UTP20: variants seen among roughly 807,000 people sequenced by gnomAD.
The protein encoded by UTP20 is UTP20 small subunit processome component, also known as small subunit processome component 20 homolog.
Under a neutral mutation model 329.5 loss-of-function variants are expected in UTP20, and 164 were observed. The ratio of observed to expected loss-of-function variants is 0.50; its 90% confidence interval spans 0.44 to 0.57. The LOEUF (loss-of-function observed/expected upper bound fraction) is 0.57. Ranked by LOEUF, UTP20 falls within the 20% of genes least tolerant of loss-of-function variation. The pLI, the probability that UTP20 is intolerant of heterozygous loss-of-function variation, is 0.00. For missense variants in UTP20, 3,055 were observed against 3,284.2 expected (o/e 0.93, Z 1.71); for synonymous variants, 1,151 against 1,159.3 (o/e 0.99, Z 0.14).
Position 101,352,114 on chromosome 12 carries a change from T to C in UTP20, c.4944T>C (p.Ser1648=). ...TTGGAGCCATTTGCAAACATCTCTC[T>C]TGGTCAGCGTATATGTATTACTTGA... is the stretch of plus-strand genomic sequence containing the variant. The part of the protein sequence containing the change: ...EIIGAICKHL[S]WSAYMYYLKH... Residue 1648 remains serine (S), a synonymous_variant, in exon 39 of 62, where the codon TCT becomes TCC. Coordinates refer to ENST00000261637, the MANE Select transcript of UTP20 (RefSeq NM_014503.3). 2 of 1,614,096 alleles carry C rather than the reference T, an allele frequency of 1.2e-6. No individual in the cohort carries two copies. The highest frequency in any genetic ancestry group is 1.7e-6 in the Non-Finnish European group (2 of 1,180,008).
At position 101,302,429 on chromosome 12, in the gene UTP20, C is replaced by T. The variant is rs1394546056; in HGVS notation, c.1676-19C>T. On this transcript the variant is annotated intron_variant, in intron 14 of 61. Transcript: ENST00000261637. ...CAAAGAAATAAGTAATGTGGTTTCTCCTGTTTTTCTGCCCTTAGGAAACTT... is the reference window on the plus strand; with the variant it reads ...CAAAGAAATAAGTAATGTGGTTTCTTCTGTTTTTCTGCCCTTAGGAAACTT... 3 of 1,440,046 alleles carry T rather than the reference C, an allele frequency of 2.1e-6. No homozygotes were observed. The highest frequency in any genetic ancestry group is 9.7e-7 in the Non-Finnish European group (1 of 1,031,208). The allele number at this position is 1,440,046 out of a possible 1,614,324, so 89.2% of individuals were successfully genotyped here.
In UTP20 at chr12:101,373,071, CTG is replaced by C. The variant is rs1383535531; in HGVS notation, c.6878+109_6878+110del. 5.6e-6 allele frequency: 5 copies of C among 899,038 alleles called. No individual in the cohort carries two copies. The East Asian group carries it at 1.3e-4, about 22-fold the overall frequency. 55.7% of individuals were successfully genotyped at this position (899,038 alleles called of 1,614,324 possible). ...GGGCCTAAGTATAATGGTACATTCT[CTG>C]AGCATACTGTTATATGACTCATTGA... On this transcript the variant is annotated intron_variant, in intron 52 of 61. Coordinates refer to ENST00000261637, the MANE Select transcript of UTP20 (RefSeq NM_014503.3).
At position 101,383,190 on chromosome 12, in the gene UTP20, C is replaced by G. The variant is rs369203212; in HGVS notation, c.7806C>G (p.Asp2602Glu). 4 of 1,613,842 alleles carry G rather than the reference C, an allele frequency of 2.5e-6. No individual in the cohort carries two copies. Among genetic ancestry groups the G allele is most frequent in the Non-Finnish European group, 3.4e-6 (4 of 1,179,980 alleles). ...VACADEKAES[D>E]GEEKEEVKEE... ...GTGCAGATGAGAAGGCGGAGTCTGA[C>G]GGAGAAGAGAAGGAAGAGGTGAAGG... The change falls in exon 59 of 62, where the codon GAC becomes GAG. Residue 2602 changes from aspartate (D) to glutamate (E), a missense_variant. Asp to Glu is a conservative substitution (Grantham distance 45). This residue lies in a region of UTP20 where 337 missense variants were observed against 345.5 expected (regional missense o/e 0.98). Transcript: ENST00000261637.
intron 31 of UTP20, among the ~76,000 whole-genome samples, chr12:101,339,419 C>T (rs567901270): frequency 6.6e-6 from 1 of 152,260 alleles, no homozygotes; most frequent in East Asian, 1.9e-4. Flanking sequence ...TTTTTGAATG[C>T]CCTTTACTTT....
chr12:101,370,923 G>GTGTCTA (rs1870264076), intron 50 of UTP20, 135 bp from the exon 51 acceptor site: 1 of 713,764 alleles, frequency 1.4e-6, no homozygotes, highest in South Asian at 1.9e-5. Flanking sequence ...TTGTGCTTAA[G>GTGTCTA]TGTCTATCCT....
chr12:101,361,926 T>C lies in UTP20; in HGVS notation c.5692-36T>C. ...CTTATGTTTTCCTAGTGTGACATTG[T>C]TAATATTCATGTTGTTGCTGTGTGT... On this transcript the variant is annotated intron_variant, in intron 43 of 61. Coordinates refer to ENST00000261637, the MANE Select transcript of UTP20 (RefSeq NM_014503.3). 3 of 1,505,606 alleles carry C rather than the reference T, an allele frequency of 2.0e-6. No homozygotes were observed. The South Asian group carries it at 3.4e-5, about 17-fold the overall frequency. The allele number at this position is 1,505,606 out of a possible 1,614,324, so 93.3% of individuals were successfully genotyped here.
Position 101,370,545 on chromosome 12 carries a change from T to C in UTP20, c.6669T>C (p.Thr2223=). 6.2e-7 allele frequency: 1 copy of C among 1,613,488 alleles called. No individual in the cohort carries two copies. Among genetic ancestry groups the C allele is most frequent in the Non-Finnish European group, 8.5e-7 (1 of 1,179,764 alleles). ...TTTATGATACTTCAAGACAAGCCAC[T>C]GCCTTTGGTCTTCTGAAGGTATGCT... ...EDIYDTSRQA[T]AFGLLKAILS... is the part of the protein sequence containing the mutation. Residue 2223 remains threonine (T), a synonymous_variant, in exon 50 of 62, where the codon ACT becomes ACC. Coordinates refer to ENST00000261637, the MANE Select transcript of UTP20 (RefSeq NM_014503.3).
At chr12:101,370,002 C>T in intron 49 of UTP20, 111 bp downstream of exon 49, 5 of 1,090,508 alleles carry the variant, frequency 4.6e-6, no homozygotes, top group Non-Finnish European at 6.5e-6. Flanking sequence ...TTACTTGAGC[C>T]TAAGAGTTCA....
intron 26 of UTP20, 149 bp from the exon 27 acceptor site, chr12:101,329,092 A>G: frequency 1.4e-6 from 1 of 700,744 alleles, no homozygotes; most frequent in Non-Finnish European, 2.3e-6. Flanking sequence ...AGGAGATAAT[A>G]CATAAGAAAA....
Position 101,328,291 on chromosome 12 carries a change from C to G in UTP20, c.3209-950C>G, listed in dbSNP as rs1230264945. ...GTATAGATGATACTCTTATGGATGG[C>G]CCGTTTGGGTGTATGAATCCATAAG... On this transcript the variant is annotated intron_variant, in intron 26 of 61. Transcript: ENST00000261637. Among the ~76,000 whole-genome samples the G allele has an allele frequency of 2.6e-5, 4 of 152,122 alleles. No homozygotes were observed. In the South Asian group the frequency reaches 8.3e-4, roughly 32 times the overall value.
intron 51 of UTP20, among the ~76,000 whole-genome samples, chr12:101,371,770 G>T (rs1870301222): frequency 6.6e-6 from 1 of 152,096 alleles, no homozygotes; most frequent in Non-Finnish European, 1.5e-5. Context: ...TTGACCTTGT[G>T]ATCCACCCAC....
chr12:101,339,906 A>G (rs963329668), intron 31 of UTP20, among the ~76,000 whole-genome samples: 6 of 152,260 alleles, frequency 3.9e-5, no homozygotes, highest in Non-Finnish European at 7.3e-5. Context: ...GCATTTTAAA[A>G]TACTATTGTA....
intron 46 of UTP20, 107 bp from the exon 47 acceptor site, chr12:101,366,451 C>A: frequency 7.2e-7 from 1 of 1,393,608 alleles, no homozygotes; most frequent in Non-Finnish European, 9.7e-7. Flanking sequence ...AAGCAAATGG[C>A]ACATTATTTA....
Position 101,369,748 on chromosome 12 carries a change from A to T in UTP20, c.6412A>T (p.Ile2138Phe). ...GATCACAGGTGCTTTACAGTGCCTC[A>T]TCTGGGTCTTGAGGTTCCCGCTACC... ...KVITGALQCL[I>F]WVLRFPLPSI... The change falls in exon 49 of 62, where the codon ATC (isoleucine) becomes TTC (phenylalanine). Residue 2138 changes from isoleucine (I) to phenylalanine (F), a missense_variant. Physicochemically the swap from Ile to Phe is conservative, Grantham distance 21. Transcript: ENST00000261637. 1 of 1,596,574 alleles carries T rather than the reference A, an allele frequency of 6.3e-7. No homozygotes were observed. Among genetic ancestry groups the T allele is most frequent in the Non-Finnish European group, 8.6e-7 (1 of 1,164,176 alleles).
chr12:101,286,504 A>G lies in UTP20; in HGVS notation c.510A>G (p.Ile170Met). The change falls in exon 5 of 62, where the codon ATA becomes ATG. Residue 170 changes from isoleucine (I) to methionine (M), a missense_variant. Transcript: ENST00000261637. ...TGATGGTGAAGGACATGTCCAGTATATACAGGTAACCCCTTTCTCTCTCTA... is the reference window on the plus strand; with the variant it reads ...TGATGGTGAAGGACATGTCCAGTATGTACAGGTAACCCCTTTCTCTCTCTA... ...WRLMVKDMSS[I>M]YSMYSTLLAH... is the part of the protein sequence containing the mutation. 1 of 1,585,020 alleles carries G rather than the reference A, an allele frequency of 6.3e-7. No homozygotes were observed. Among genetic ancestry groups the G allele is most frequent in the Non-Finnish European group, 8.6e-7 (1 of 1,165,798 alleles).
intron 11 of UTP20, among the ~76,000 whole-genome samples, chr12:101,295,065 G>A (rs569712638): frequency 6.6e-6 from 1 of 152,226 alleles, no homozygotes; most frequent in South Asian, 2.1e-4. Context: ...TCTGCCCAGT[G>A]CACAAATGTT....
chr12:101,315,257 G>C (rs1872937458), intron 21 of UTP20, among the ~76,000 whole-genome samples: 1 of 152,134 alleles, frequency 6.6e-6, no homozygotes, highest in African/African-American at 2.4e-5. Flanking sequence ...GGGCCGAGGT[G>C]GGCAGATCAT....
rs1872112107 is a variant in UTP20, at chr12:101,290,647, G to A, written c.736-86G>A. 12 of 1,408,402 alleles carry A rather than the reference G, an allele frequency of 8.5e-6. No homozygotes were observed. In the East Asian group the frequency reaches 2.9e-4, roughly 34 times the overall value. 87.2% of individuals were successfully genotyped at this position (1,408,402 alleles called of 1,614,324 possible). A position where few individuals can be genotyped will look rare whatever the true frequency, so the allele number is the denominator to read the frequency against. On this transcript the variant is annotated intron_variant, in intron 7 of 61. Transcript: ENST00000261637. ...TATTCCAGACCTGATTTTTAAGGTAGCTAATGTAATCAGAGTGGTGACTCC... is the reference window on the plus strand; with the variant it reads ...TATTCCAGACCTGATTTTTAAGGTAACTAATGTAATCAGAGTGGTGACTCC...
chr12:101,338,974 T>C lies in UTP20; in HGVS notation c.4013+17T>C, dbSNP rs769545164. ...TCTTTCAAAGTAAGTGATATGTTGA[T>C]ACTTAAAAGATAACATTACCATCCT... On this transcript the variant is annotated intron_variant, in intron 31 of 61. Transcript: ENST00000261637. The C allele has an allele frequency of 2.1e-5, 33 of 1,566,908 alleles. No homozygotes were observed. In the South Asian group the frequency reaches 3.4e-4, roughly 16 times the overall value.
Sources: gnomAD v4.1 joint callset for allele counts (sites outside exome capture counted in the v4.1 genomes callset) on GRCh38, gnomAD v4.1.1 for gene constraint, gnomAD v4.1.1 regional missense constraint, MANE v1.5 for transcripts, NCBI Gene and HGNC (gene_info 2026-07-23, HGNC 2026-07-21) for gene names.